Variants in HTR1F observed in about 807,000 individuals in gnomAD.
HTR1F encodes the protein 5-hydroxytryptamine (serotonin) receptor 1F, G protein-coupled.
HTR1F carries 17 observed loss-of-function variants against 24.0 expected under a neutral mutation model. That is an observed-to-expected ratio of 0.71 (90% CI 0.48 to 1.06). HTR1F has a LOEUF of 1.06. Ranked by LOEUF, HTR1F falls within the 50% of genes least tolerant of loss-of-function variation. The pLI is 0.00. For synonymous variants in HTR1F, 186 were observed against 156.8 expected (o/e 1.19, Z -1.39); for missense variants, 391 against 427.8 (o/e 0.91, Z 0.76).
At chr3:87,822,152 A>G (rs1704372410) in intron 2 of HTR1F, among the ~76,000 whole-genome samples, 28 bp downstream of exon 2, 2 of 152,206 alleles carry the variant, frequency 1.3e-5, no homozygotes, top group Non-Finnish European at 1.5e-5. Flanking sequence ...TAAACCATGA[A>G]GAAAAATAAA....
chr3:87,917,520 A>C (rs762351716), intron 2 of HTR1F, among the ~76,000 whole-genome samples: 6 of 152,068 alleles, frequency 3.9e-5, no homozygotes, highest in Non-Finnish European at 7.4e-5. Context: ...ATAAGAAATG[A>C]AACAGGAGAT....
chr3:87,860,377 C>T (rs1043037500), intron 2 of HTR1F, among the ~76,000 whole-genome samples: 1 of 152,144 alleles, frequency 6.6e-6, no homozygotes, highest in African/African-American at 2.4e-5. Context: ...ATAACATACA[C>T]TGGATTGTAT....
At chr3:87,899,034 G>A (rs554347131) in intron 2 of HTR1F, among the ~76,000 whole-genome samples, 2 of 152,216 alleles carry the variant, frequency 1.3e-5, no homozygotes, top group South Asian at 4.1e-4. Flanking sequence ...ATATTAACAT[G>A]CTCCAGGAAG....
At chr3:87,888,028 A>C (rs529664091) in intron 2 of HTR1F, among the ~76,000 whole-genome samples, 1 of 152,342 alleles carries the variant, frequency 6.6e-6, no homozygotes, top group South Asian at 2.1e-4. Flanking sequence ...ATGTATGTTT[A>C]CTGTGGCACT....
intron 2 of HTR1F, among the ~76,000 whole-genome samples, chr3:87,902,529 G>GA (rs1185968110): frequency 9.9e-5 from 15 of 151,710 alleles, no homozygotes; most frequent in African/African-American, 3.6e-4. Flanking sequence ...CCAAAAGAGG[G>GA]AAAAAAAGAT....
rs143685564 is a variant in HTR1F, at chr3:87,894,354, T to A, written c.-43+72230T>A. ...TCACTGCAACCTCTGCCTACAGGAT[T>A]CAAGCCATTCTCAAGCCTCAGCCTC... On this transcript the variant is annotated intron_variant, in intron 2 of 2. Coordinates refer to ENST00000319595, the MANE Select transcript of HTR1F (RefSeq NM_001322209.2). Among the ~76,000 whole-genome samples, 788 of 151,180 alleles carry A rather than the reference T, an allele frequency of 5.2e-3. 10 individuals are homozygous for A. The highest frequency in any genetic ancestry group is 0.018 in the African/African-American group (732 of 41,126).
chr3:87,852,808 T>C (rs560223776), intron 2 of HTR1F, among the ~76,000 whole-genome samples: 4 of 151,820 alleles, frequency 2.6e-5, no homozygotes, highest in Non-Finnish European at 1.5e-5. Context: ...ATTTGTTTTA[T>C]GTGTTTTAAA....
intron 2 of HTR1F, among the ~76,000 whole-genome samples, chr3:87,917,356 G>A (rs1428626483): frequency 2.1e-5 from 3 of 140,978 alleles, no homozygotes; most frequent in Non-Finnish European, 4.6e-5. Flanking sequence ...AAATAACCAA[G>A]ATCAGAGCAG....
chr3:87,837,065 T>C (rs1416127956), intron 2 of HTR1F, among the ~76,000 whole-genome samples: 2 of 152,266 alleles, frequency 1.3e-5, no homozygotes, highest in East Asian at 3.9e-4. Flanking sequence ...GAAGGACTTT[T>C]TTCCTTAACA....
chr3:87,823,627 A>T (rs970826489), intron 2 of HTR1F, among the ~76,000 whole-genome samples: 8 of 148,634 alleles, frequency 5.4e-5, no homozygotes, highest in African/African-American at 1.8e-4. Context: ...TGATCCTCCC[A>T]CCTCAGCCTC....
intron 2 of HTR1F, among the ~76,000 whole-genome samples, chr3:87,925,492 T>C (rs1427917528): frequency 6.6e-6 from 1 of 152,064 alleles, no homozygotes; most frequent in Non-Finnish European, 1.5e-5. Flanking sequence ...CTAGCTGGGG[T>C]CATGGTGTTC....
At chr3:87,871,374 A>G (rs1349089236) in intron 2 of HTR1F, among the ~76,000 whole-genome samples, 1 of 151,932 alleles carries the variant, frequency 6.6e-6, no homozygotes. Context: ...GAAAAGCAAA[A>G]AGAAAAAAGA....
chr3:87,863,149 GA>G, intron 2 of HTR1F, among the ~76,000 whole-genome samples: 1 of 152,124 alleles, frequency 6.6e-6, no homozygotes, highest in East Asian at 1.9e-4. Flanking sequence ...CCTTTTATAT[GA>G]ATGAATTTTA....
At chr3:87,898,550 C>A (rs1706251810) in intron 2 of HTR1F, among the ~76,000 whole-genome samples, 1 of 151,984 alleles carries the variant, frequency 6.6e-6, no homozygotes, top group African/African-American at 2.4e-5. Context: ...TGATTCAATT[C>A]TTCTCTAACA....
chr3:87,837,692 C>T (rs1704709408), intron 2 of HTR1F, among the ~76,000 whole-genome samples: 1 of 151,872 alleles, frequency 6.6e-6, no homozygotes, highest in South Asian at 2.1e-4. Context: ...TATTATTAAA[C>T]ATATATTATA....
rs747680667 is a variant in HTR1F, at chr3:87,993,334, C to A, written c.*1484C>A. ...AGACATATACTAGATAGAAGATATA[C>A]GAAATAATAAAATACAGTTTTTTTT... On this transcript the variant is annotated 3_prime_UTR_variant, in exon 3 of 3. Transcript: ENST00000319595. 6.3e-6 allele frequency: 1 copy of A among 158,040 alleles called. No individual in the cohort carries two copies. Among genetic ancestry groups the A allele is most frequent in the Non-Finnish European group, 1.6e-5 (1 of 64,376 alleles). 9.8% of individuals were successfully genotyped at this position (158,040 alleles called of 1,614,324 possible).
chr3:87,841,191 T>G (rs1704795129), intron 2 of HTR1F, among the ~76,000 whole-genome samples: 1 of 151,886 alleles, frequency 6.6e-6, no homozygotes, highest in South Asian at 2.1e-4. Flanking sequence ...ACCCCATAAA[T>G]ATATAATTAT....
intron 2 of HTR1F, among the ~76,000 whole-genome samples, chr3:87,881,272 G>C (rs771531480): frequency 4.0e-4 from 61 of 152,222 alleles, no homozygotes; most frequent in Non-Finnish European, 6.8e-4. Flanking sequence ...CACACCAGGA[G>C]ATTATGTCTC....
intron 2 of HTR1F, among the ~76,000 whole-genome samples, chr3:87,892,228 A>G (rs1377837015): frequency 6.6e-6 from 1 of 152,210 alleles, no homozygotes; most frequent in Admixed American, 6.5e-5. Flanking sequence ...TTGTTATGAT[A>G]CAATAAAGGC....
Sources: allele counts gnomAD v4.1 joint callset (sites outside exome capture counted in the v4.1 genomes callset), GRCh38; gene constraint gnomAD v4.1.1; transcripts MANE v1.5; gene names NCBI Gene and HGNC (gene_info 2026-07-23, HGNC 2026-07-21).